THSD7A: variants seen among roughly 807,000 people sequenced by gnomAD.
THSD7A encodes thrombospondin type-1 domain-containing protein 7A.
A neutral mutation model predicts 231.3 loss-of-function variants in THSD7A; 96 were observed. That is an observed-to-expected ratio of 0.41 (90% CI 0.35 to 0.49). THSD7A has a LOEUF of 0.49. Among genes scored for constraint, THSD7A ranks in the 20% least tolerant of loss-of-function variants. The pLI is 0.05. For missense variants in THSD7A, 2,290 were observed against 2,070.2 expected, an observed-to-expected ratio of 1.11 and a Z score of -2.06; for synonymous variants, 940 against 743.3, an observed-to-expected ratio of 1.26 and a Z score of -4.30.
intron 4 of THSD7A, among the ~76,000 whole-genome samples, chr7:11,544,697 G>A (rs912980255): frequency 6.6e-6 from 1 of 152,260 alleles, no homozygotes; most frequent in Middle Eastern, 3.4e-3. Flanking sequence ...TAAAGCCTAT[G>A]ACATTGATTC....
intron 2 of THSD7A, among the ~76,000 whole-genome samples, chr7:11,619,967 T>C (rs1781249829): frequency 6.6e-6 from 1 of 152,176 alleles, no homozygotes; most frequent in South Asian, 2.1e-4. Flanking sequence ...AGAAGAAGGC[T>C]CTAGTTTGGT....
chr7:11,458,940 G>C (rs1785403026), intron 11 of THSD7A, among the ~76,000 whole-genome samples: 1 of 152,104 alleles, frequency 6.6e-6, no homozygotes, highest in African/African-American at 2.4e-5. Flanking sequence ...CTACTCTAAG[G>C]CTTTTGTGTT....
chr7:11,463,320 A>G (rs1401696247), intron 9 of THSD7A, among the ~76,000 whole-genome samples: 1 of 152,130 alleles, frequency 6.6e-6, no homozygotes, highest in Admixed American at 6.6e-5. Context: ...GGATTTCTGT[A>G]TTGGATGGGA....
intron 4 of THSD7A, among the ~76,000 whole-genome samples, chr7:11,563,511 C>A (rs1373161182): frequency 6.6e-6 from 1 of 152,064 alleles, no homozygotes; most frequent in African/African-American, 2.4e-5. Context: ...AGGTACACAC[C>A]ACCATGTCTG....
Position 11,725,986 on chromosome 7 carries a change from A to G in THSD7A, c.191-89025T>C, listed in dbSNP as rs1405722398. The stretch of plus-strand genomic sequence containing the variant: ...ATCTTATGAATTAATATTACAAGAA[A>G]CAAAGCTCACTAATTTGAATTGTTC... On this transcript the variant is annotated intron_variant, in intron 1 of 27. Transcript: ENST00000423059. Among the ~76,000 whole-genome samples the G allele has an allele frequency of 2.6e-5, 4 of 152,180 alleles. No individual in the cohort carries two copies. The East Asian group carries it at 7.8e-4, about 30-fold the overall frequency.
intron 4 of THSD7A, among the ~76,000 whole-genome samples, chr7:11,580,954 C>A (rs1329398701): frequency 1.3e-5 from 2 of 151,774 alleles, no homozygotes; most frequent in Non-Finnish European, 2.9e-5. Flanking sequence ...AGTGGTGTAA[C>A]CTAATAATTG....
intron 13 of THSD7A, among the ~76,000 whole-genome samples, chr7:11,430,159 T>G (rs1298391240): frequency 1.3e-5 from 2 of 152,216 alleles, no homozygotes; most frequent in African/African-American, 4.8e-5. Flanking sequence ...ACAATGATTA[T>G]AATGTAAACA....
chr7:11,716,998 C>G (rs183343784), intron 1 of THSD7A, among the ~76,000 whole-genome samples: 1 of 151,624 alleles, frequency 6.6e-6, no homozygotes, highest in Admixed American at 6.6e-5. Flanking sequence ...TCATAAACTC[C>G]TCAAATCTCT....
intron 23 of THSD7A, among the ~76,000 whole-genome samples, chr7:11,392,711 C>T (rs1783033003): frequency 6.6e-6 from 1 of 152,090 alleles, no homozygotes; most frequent in South Asian, 2.1e-4. Context: ...GGGTGTATAC[C>T]ATTATTGAGA....
intron 1 of THSD7A, among the ~76,000 whole-genome samples, chr7:11,811,120 A>C (rs1393461455): frequency 1.3e-5 from 2 of 152,198 alleles, no homozygotes; most frequent in East Asian, 3.9e-4. Context: ...TTAGTTTACA[A>C]TATTTTAAAA....
intron 1 of THSD7A, among the ~76,000 whole-genome samples, chr7:11,701,323 T>A (rs1328602703): frequency 6.6e-6 from 1 of 151,222 alleles, no homozygotes; most frequent in Non-Finnish European, 1.5e-5. Context: ...ATTTCCAATA[T>A]GTAGATCTTT....
chr7:11,399,190 A>C (rs1217524616), intron 23 of THSD7A, among the ~76,000 whole-genome samples: 2 of 152,216 alleles, frequency 1.3e-5, no homozygotes, highest in African/African-American at 4.8e-5. Flanking sequence ...TTGTGTGCAT[A>C]TGTGAGTATG....
chr7:11,463,064 A>C (rs1278144547), intron 9 of THSD7A, among the ~76,000 whole-genome samples: 1 of 152,168 alleles, frequency 6.6e-6, no homozygotes, highest in Non-Finnish European at 1.5e-5. Context: ...CATTTTCATT[A>C]TTTTGCAAGA....
chr7:11,414,779 T>C (rs755014371), intron 17 of THSD7A, among the ~76,000 whole-genome samples: 3 of 152,226 alleles, frequency 2.0e-5, no homozygotes, highest in Non-Finnish European at 2.9e-5. Context: ...CGTTGCACTT[T>C]GGTCACACTG....
chr7:11,459,665 ATTTTTTTTTTTTTTT>A (rs34415355), intron 11 of THSD7A, among the ~76,000 whole-genome samples: 84 of 39,922 alleles, frequency 2.1e-3, no homozygotes, highest in Middle Eastern at 0.025. Flanking sequence ...AAAACAGGGG[ATTTTTTTTTTTTTTT>A]TTTTTTTTTT....
chr7:11,600,409 C>T (rs1780509411), intron 2 of THSD7A, among the ~76,000 whole-genome samples: 1 of 151,826 alleles, frequency 6.6e-6, no homozygotes. Flanking sequence ...CTAAATATAC[C>T]TTTAATATTT....
chr7:11,591,637 G>A (rs1433773724), intron 3 of THSD7A, among the ~76,000 whole-genome samples: 1 of 152,150 alleles, frequency 6.6e-6, no homozygotes, highest in Non-Finnish European at 1.5e-5. Context: ...CTTCATGCCT[G>A]TTTTTAAATT....
At chr7:11,697,448 A>C (rs1261451540) in intron 1 of THSD7A, among the ~76,000 whole-genome samples, 2 of 151,424 alleles carry the variant, frequency 1.3e-5, no homozygotes, top group Non-Finnish European at 3.0e-5. Flanking sequence ...CTGATGACTT[A>C]CATACACAAT....
intron 3 of THSD7A, among the ~76,000 whole-genome samples, chr7:11,592,983 A>G (rs951389627): frequency 2.0e-5 from 3 of 152,138 alleles, no homozygotes; most frequent in Non-Finnish European, 4.4e-5. Flanking sequence ...TGCAAAGCTT[A>G]ATGTTTTAAC....
Sources: gnomAD v4.1 joint callset for allele counts (sites outside exome capture counted in the v4.1 genomes callset) on GRCh38, gnomAD v4.1.1 for gene constraint, MANE v1.5 for transcripts, NCBI Gene and HGNC (gene_info 2026-07-23, HGNC 2026-07-21) for gene names.